USP48: variants seen among roughly 807,000 people sequenced by gnomAD.
USP48 encodes the protein ubiquitin specific peptidase 48, also known as ubiquitin carboxyl-terminal hydrolase 48.
Under a neutral mutation model 150.7 loss-of-function variants are expected in USP48, and 43 were observed. That is an observed-to-expected ratio of 0.29 (90% CI 0.22 to 0.37). The LOEUF is 0.37. Ranked by LOEUF, USP48 falls within the 10% of genes least tolerant of loss-of-function variation. The pLI is 1.00. For synonymous variants in USP48, 396 were observed against 425.9 expected (o/e 0.93, Z 0.86); for missense variants, 813 against 1,249.6 (o/e 0.65, Z 5.27).
chr1:21,714,438 A>T (rs1423235248), intron 15 of USP48, among the ~76,000 whole-genome samples: 1 of 151,986 alleles, frequency 6.6e-6, no homozygotes, highest in African/African-American at 2.4e-5. Flanking sequence ...CCCACTTAAT[A>T]TTTTTTTAGA....
intron 9 of USP48, among the ~76,000 whole-genome samples, chr1:21,735,264 G>C (rs2097766170): frequency 6.6e-6 from 1 of 152,114 alleles, no homozygotes; most frequent in African/African-American, 2.4e-5. Flanking sequence ...ACCATCTCTG[G>C]AACAAAATAA....
chr1:21,697,392 G>A (rs1353785986), intron 22 of USP48, among the ~76,000 whole-genome samples: 3 of 152,052 alleles, frequency 2.0e-5, no homozygotes, highest in African/African-American at 4.8e-5. Flanking sequence ...GGCCAGGCGT[G>A]GTGGCTCATG....
At chr1:21,742,420 T>C (rs1172344557) in intron 8 of USP48, among the ~76,000 whole-genome samples, 1 of 151,890 alleles carries the variant, frequency 6.6e-6, no homozygotes, top group Non-Finnish European at 1.5e-5. Context: ...GGTGCACACT[T>C]GTAATCCCAG....
At chr1:21,704,029 TTAA>T (rs1223138508) in intron 20 of USP48, among the ~76,000 whole-genome samples, 2 of 152,218 alleles carry the variant, frequency 1.3e-5, no homozygotes, top group African/African-American at 4.8e-5. Flanking sequence ...GCCCAAACTC[TTAA>T]TAATATTTTC....
At chr1:21,721,531 T>A (rs1409813179) in intron 13 of USP48, 119 bp downstream of exon 13, 3 of 742,868 alleles carry the variant, frequency 4.0e-6, no homozygotes, top group Non-Finnish European at 2.1e-6. Flanking sequence ...TACCATCCAC[T>A]TTATCACCCT....
chr1:21,682,543 A>G (rs2152490580), intron 25 of USP48, among the ~76,000 whole-genome samples: 1 of 151,926 alleles, frequency 6.6e-6, no homozygotes, highest in African/African-American at 2.4e-5. Context: ...TCATTCCTCA[A>G]CTATCTGACT....
At chr1:21,778,366 A>G (rs2097905404) in intron 1 of USP48, among the ~76,000 whole-genome samples, 1 of 152,134 alleles carries the variant, frequency 6.6e-6, no homozygotes, top group South Asian at 2.1e-4. Flanking sequence ...GGCTAAAAGA[A>G]AAAAGGCAGT....
rs1455653385 is a variant in USP48, at chr1:21,687,360, A to T, written c.3010-121T>A. 4 of 943,398 alleles carry T rather than the reference A, an allele frequency of 4.2e-6. No homozygotes were observed. The Admixed American group carries it at 9.2e-5, about 22-fold the overall frequency. The allele number at this position is 943,398 out of a possible 1,614,324, so 58.4% of individuals were successfully genotyped here. A position where few individuals can be genotyped will look rare whatever the true frequency, so the allele number is the denominator to read the frequency against. Reference sequence around the variant, plus strand: ...ACACAAACACACTGTCCAGTAGATAACTCAGTTTCAGCCACAGCCAGCAGC... The same window carrying T: ...ACACAAACACACTGTCCAGTAGATATCTCAGTTTCAGCCACAGCCAGCAGC... On this transcript the variant is annotated intron_variant, in intron 24 of 26. Transcript: ENST00000308271.
chr1:21,698,727 T>C (rs1035254228), intron 22 of USP48, among the ~76,000 whole-genome samples: 3 of 152,068 alleles, frequency 2.0e-5, no homozygotes, highest in Non-Finnish European at 2.9e-5. Flanking sequence ...ACCCCGTCTC[T>C]ACTAAAAAAT....
rs2097831873 is a variant in USP48, at chr1:21,755,864, C to T, written c.412+682G>A. Among the ~76,000 whole-genome samples, 3 of 151,678 alleles carry T rather than the reference C, an allele frequency of 2.0e-5. No individual in the cohort carries two copies. In the South Asian group the frequency reaches 6.3e-4, roughly 32 times the overall value. On this transcript the variant is annotated intron_variant, in intron 3 of 26. Coordinates refer to ENST00000308271, the MANE Select transcript of USP48 (RefSeq NM_032236.8). ...TGGGCAACAGAGCAAGACACTGTCT[C>T]TATAAAAAAAATAAGTTTAGGCCAG...
intron 26 of USP48, among the ~76,000 whole-genome samples, chr1:21,679,940 C>T (rs570490033): frequency 5.3e-5 from 8 of 152,014 alleles, no homozygotes; most frequent in African/African-American, 1.2e-4. Context: ...GTGACCCACC[C>T]GTCTCAACCT....
intron 1 of USP48, among the ~76,000 whole-genome samples, chr1:21,778,401 T>C (rs1207387870): frequency 2.0e-5 from 3 of 151,940 alleles, no homozygotes; most frequent in Admixed American, 1.3e-4. Context: ...CATAGAGCAA[T>C]TGGAATCCTC....
chr1:21,751,971 T>C (rs560256119), intron 5 of USP48, among the ~76,000 whole-genome samples: 155 of 134,574 alleles, frequency 1.2e-3, no homozygotes, highest in African/African-American at 4.1e-3. Flanking sequence ...TGAGCCAAGA[T>C]CACGCCACTG....
Position 21,706,494 on chromosome 1 carries a change from G to A in USP48, c.2184C>T (p.Asn728=), listed in dbSNP as rs540307320. Residue 728 remains asparagine (N), a synonymous_variant, in exon 17 of 27, where the codon AAC becomes AAT. Transcript: ENST00000308271. ...TSLPNLFQDK[N]RPCLSNWPED... ...CTGGCCAGTTACTGAGACACGGTCT[G>A]TTTTTATCCTGGAACAAATTTGGGA... The A allele has an allele frequency of 2.5e-6, 4 of 1,614,162 alleles. No individual in the cohort carries two copies. The highest frequency in any genetic ancestry group is 2.2e-5 in the South Asian group (2 of 91,084).
At position 21,736,439 on chromosome 1, in the gene USP48, GT is replaced by G. The variant is rs772077444; in HGVS notation, c.1171+6del. The G allele has an allele frequency of 6.3e-7, 1 of 1,597,690 alleles. No individual in the cohort carries two copies. The highest frequency in any genetic ancestry group is 8.5e-7 in the Non-Finnish European group (1 of 1,174,896). On this transcript the variant is annotated splice_donor_region_variant and intron_variant, in intron 9 of 26. Coordinates refer to ENST00000308271, the MANE Select transcript of USP48 (RefSeq NM_032236.8). ...TTAAAAGGGCACTCACAACTTAAAG[GT>G]TTTACCTAGATCTTCCTCAATCCCT...
At chr1:21,740,229 G>A (rs1299593639) in intron 8 of USP48, among the ~76,000 whole-genome samples, 2 of 152,144 alleles carry the variant, frequency 1.3e-5, no homozygotes, top group Admixed American at 1.3e-4. Flanking sequence ...GTCTTTCTGA[G>A]CCCGGCTTGT....
At chr1:21,701,053 A>G in intron 22 of USP48, among the ~76,000 whole-genome samples, 1 of 106,372 alleles carries the variant, frequency 9.4e-6, no homozygotes, top group South Asian at 3.6e-4. Flanking sequence ...TGACAAGGCT[A>G]GGATCCATCT....
chr1:21,706,294 T>C (rs139105939), intron 17 of USP48, 107 bp from the exon 18 acceptor site: 2 of 1,503,502 alleles, frequency 1.3e-6, no homozygotes, highest in African/African-American at 2.8e-5. Flanking sequence ...ATAAATAAAA[T>C]GAAAACACAG....
intron 9 of USP48, among the ~76,000 whole-genome samples, chr1:21,731,414 T>G (rs184877006): frequency 5.9e-5 from 9 of 151,688 alleles, no homozygotes; most frequent in Non-Finnish European, 7.4e-5. Context: ...CAGGCGTGTG[T>G]CACCACGCCA....
Sources: allele counts gnomAD v4.1 joint callset (sites outside exome capture counted in the v4.1 genomes callset), GRCh38; gene constraint gnomAD v4.1.1; transcripts MANE v1.5; gene names NCBI Gene and HGNC (gene_info 2026-07-23, HGNC 2026-07-21).